ST6GALNAC5: variants seen among roughly 807,000 people sequenced by gnomAD.
ST6GALNAC5 encodes alpha-N-acetylgalactosaminide alpha-2,6-sialyltransferase 5.
In ST6GALNAC5, 27 loss-of-function variants were observed where a neutral mutation model predicts 33.6. The ratio of observed to expected loss-of-function variants is 0.80; its 90% CI spans 0.59 to 1.11. ST6GALNAC5 has a LOEUF of 1.11. Ranked by LOEUF, ST6GALNAC5 falls within the 50% of genes least tolerant of loss-of-function variation. The pLI, the probability that ST6GALNAC5 is intolerant of heterozygous loss-of-function variation, is 0.00. For synonymous variants in ST6GALNAC5, 194 were observed against 171.2 expected (o/e 1.13, Z -1.04); for missense variants, 428 against 454.0 (o/e 0.94, Z 0.52).
intron 2 of ST6GALNAC5, among the ~76,000 whole-genome samples, chr1:76,913,913 G>T (rs1223317186): frequency 3.9e-5 from 6 of 152,142 alleles, no homozygotes; most frequent in Non-Finnish European, 8.8e-5. Context: ...GTCCCTGTTT[G>T]CAGACGACAT....
At chr1:76,891,961 G>T (rs1231677779) in intron 2 of ST6GALNAC5, among the ~76,000 whole-genome samples, 1 of 152,144 alleles carries the variant, frequency 6.6e-6, no homozygotes, top group African/African-American at 2.4e-5. Flanking sequence ...ACAAGCTTAA[G>T]ACTAGCATGG....
At chr1:77,024,768 T>C (rs2100440872) in intron 2 of ST6GALNAC5, among the ~76,000 whole-genome samples, 1 of 152,328 alleles carries the variant, frequency 6.6e-6, no homozygotes, top group East Asian at 1.9e-4. Flanking sequence ...GAAGGCACCA[T>C]GGCATGGCTA....
At chr1:76,974,029 T>C (rs540115826) in intron 2 of ST6GALNAC5, among the ~76,000 whole-genome samples, 29 of 152,152 alleles carry the variant, frequency 1.9e-4, no homozygotes, top group Non-Finnish European at 4.0e-4. Context: ...ACTATTCTAG[T>C]ATATAAGAAT....
intron 2 of ST6GALNAC5, among the ~76,000 whole-genome samples, chr1:76,909,389 A>T (rs1431816213): frequency 6.6e-6 from 1 of 152,130 alleles, no homozygotes; most frequent in African/African-American, 2.4e-5. Flanking sequence ...TTAAAGGATC[A>T]TCTTGCAGGG....
rs1240301972 is a variant in ST6GALNAC5, at chr1:76,868,343, T to C, written c.16-154T>C. 6.6e-6 allele frequency among the ~76,000 whole-genome samples: 1 copy of C among 151,940 alleles called. No individual in the cohort carries two copies. The highest frequency in any genetic ancestry group is 1.5e-5 in the Non-Finnish European group (1 of 67,976). ...CTTGCGATACGCTAGGGGACGGTGC[T>C]TTCTCTGTCCCAGTTGCGTGCGGCG... is the stretch of plus-strand genomic sequence containing the variant. On this transcript the variant is annotated intron_variant, in intron 1 of 4. Transcript: ENST00000477717. This position sits in a 1 kb window ranked among gnomAD's most constrained non-coding sequence, Gnocchi z 4.3.
At chr1:76,999,167 T>G (rs1650047364) in intron 2 of ST6GALNAC5, among the ~76,000 whole-genome samples, 1 of 152,184 alleles carries the variant, frequency 6.6e-6, no homozygotes, top group African/African-American at 2.4e-5. Context: ...AGCTTTGGAA[T>G]AGGGGACAGT....
At chr1:76,885,150 C>A (rs1034867834) in intron 2 of ST6GALNAC5, among the ~76,000 whole-genome samples, 20 of 152,082 alleles carry the variant, frequency 1.3e-4, no homozygotes, top group Admixed American at 1.2e-3. Context: ...CTATTTTATG[C>A]AAACTATGCC....
chr1:77,029,775 G>A (rs185542477), intron 2 of ST6GALNAC5, among the ~76,000 whole-genome samples: 4 of 152,312 alleles, frequency 2.6e-5, no homozygotes, highest in African/African-American at 4.8e-5. Context: ...TGAGTTTTAC[G>A]AGCAAATGAG....
At chr1:76,930,282 A>G (rs1325044324) in intron 2 of ST6GALNAC5, among the ~76,000 whole-genome samples, 1 of 152,168 alleles carries the variant, frequency 6.6e-6, no homozygotes, top group Non-Finnish European at 1.5e-5. Flanking sequence ...AATCATTTAG[A>G]ACAGTATCTG....
intron 2 of ST6GALNAC5, among the ~76,000 whole-genome samples, chr1:76,940,906 C>G (rs1053974393): frequency 1.3e-5 from 2 of 152,036 alleles, no homozygotes; most frequent in Non-Finnish European, 2.9e-5. Context: ...AATCATATGA[C>G]TGATAGTCAT....
At chr1:76,913,972 A>G (rs145920171) in intron 2 of ST6GALNAC5, among the ~76,000 whole-genome samples, 2 of 152,076 alleles carry the variant, frequency 1.3e-5, no homozygotes, top group East Asian at 1.9e-4. Context: ...ATCTCCTTAA[A>G]CTGATAAGCA....
intron 2 of ST6GALNAC5, among the ~76,000 whole-genome samples, chr1:76,875,512 G>C (rs1039630676): frequency 3.9e-5 from 6 of 152,184 alleles, no homozygotes; most frequent in African/African-American, 1.4e-4. Context: ...TTGACTTAAA[G>C]GTAGGAGGAA....
intron 2 of ST6GALNAC5, among the ~76,000 whole-genome samples, chr1:76,894,013 G>A (rs1047738547): frequency 1.3e-5 from 2 of 152,104 alleles, no homozygotes; most frequent in Non-Finnish European, 2.9e-5. Context: ...TGTGGCCATG[G>A]CACACAAATG....
chr1:76,895,413 G>T (rs575149486), intron 2 of ST6GALNAC5, among the ~76,000 whole-genome samples: 79 of 152,218 alleles, frequency 5.2e-4, no homozygotes, highest in African/African-American at 1.9e-3. Context: ...GTGGTAAGGG[G>T]TGATATTGTG....
At chr1:76,992,295 T>C (rs1255425401) in intron 2 of ST6GALNAC5, among the ~76,000 whole-genome samples, 1 of 152,206 alleles carries the variant, frequency 6.6e-6, no homozygotes, top group East Asian at 1.9e-4. Context: ...TTTTAGTCAA[T>C]AATTTCTTTT....
chr1:77,023,108 G>C (rs1423549884), intron 2 of ST6GALNAC5, among the ~76,000 whole-genome samples: 1 of 152,202 alleles, frequency 6.6e-6, no homozygotes, highest in Non-Finnish European at 1.5e-5. Flanking sequence ...AGGACACAGT[G>C]AGAAGGCAGG....
intron 2 of ST6GALNAC5, among the ~76,000 whole-genome samples, chr1:76,896,825 G>T (rs568849068): frequency 6.6e-6 from 1 of 152,232 alleles, no homozygotes; most frequent in African/African-American, 2.4e-5. Context: ...GATTTTTAGG[G>T]CCTCTAAAAG....
chr1:76,968,179 G>A (rs1648579512), intron 2 of ST6GALNAC5, among the ~76,000 whole-genome samples: 1 of 152,056 alleles, frequency 6.6e-6, no homozygotes, highest in Non-Finnish European at 1.5e-5. Context: ...ATTGATAGTG[G>A]GGTGTTAAAG....
At chr1:76,900,295 A>G (rs1646804445) in intron 2 of ST6GALNAC5, among the ~76,000 whole-genome samples, 1 of 152,040 alleles carries the variant, frequency 6.6e-6, no homozygotes, top group Non-Finnish European at 1.5e-5. Flanking sequence ...TTGTGGTGGA[A>G]TGTCATCAGT....
Sources: gnomAD v4.1 joint callset for allele counts (sites outside exome capture counted in the v4.1 genomes callset) on GRCh38, gnomAD v4.1.1 for gene constraint, Gnocchi (gnomAD v3.1) non-coding constraint, MANE v1.5 for transcripts, NCBI Gene and HGNC (gene_info 2026-07-23, HGNC 2026-07-21) for gene names.